Variants in MICALL1 observed in about 807,000 individuals in gnomAD.
MICALL1 encodes MICAL-like protein 1.
In MICALL1, 61 loss-of-function variants were observed where a neutral mutation model predicts 83.7. The observed-to-expected ratio is 0.73, with a 90% confidence interval of 0.59 to 0.90. MICALL1 has a LOEUF of 0.90. Ranked by LOEUF, MICALL1 falls within the 40% of genes least tolerant of loss-of-function variation. The pLI is 0.00. For synonymous variants in MICALL1, 481 were observed against 473.6 expected (o/e 1.02, Z -0.20); for missense variants, 1,066 against 1,152.0 (o/e 0.93, Z 1.08).
chr22:37,910,681 C>A (rs935598166), intron 1 of MICALL1, among the ~76,000 whole-genome samples: 3 of 152,176 alleles, frequency 2.0e-5, no homozygotes, highest in East Asian at 1.9e-4. Context: ...GGTCCTCAAG[C>A]AACTCTTTCC....
At chr22:37,912,529 CA>C in intron 3 of MICALL1, 37 bp downstream of exon 3, 2 of 1,556,852 alleles carry the variant, frequency 1.3e-6, no homozygotes, top group South Asian at 1.2e-5. Flanking sequence ...GAGGCTGGCC[CA>C]GGGGGTGGCC....
chr22:37,911,605 C>T (rs535887893), intron 1 of MICALL1, among the ~76,000 whole-genome samples: 1 of 152,200 alleles, frequency 6.6e-6, no homozygotes, highest in African/African-American at 2.4e-5. Context: ...ATGTCTTTGC[C>T]ACGGACTCCA....
At chr22:37,913,646 A>G (rs1928480351) in intron 3 of MICALL1, among the ~76,000 whole-genome samples, 1 of 152,202 alleles carries the variant, frequency 6.6e-6, no homozygotes, top group Admixed American at 6.5e-5. Flanking sequence ...TTCCCATGCA[A>G]GGACCTCCCT....
chr22:37,917,504 G>A (rs1170348277), intron 3 of MICALL1, among the ~76,000 whole-genome samples: 18 of 152,218 alleles, frequency 1.2e-4, no homozygotes, highest in Admixed American at 1.2e-3. Context: ...GTTCAGTGAG[G>A]TTCATGGCTT....
intron 1 of MICALL1, among the ~76,000 whole-genome samples, chr22:37,911,275 A>C (rs532877207): frequency 6.6e-6 from 1 of 152,312 alleles, no homozygotes; most frequent in East Asian, 1.9e-4. Flanking sequence ...GAGTATGTAC[A>C]TTTCCACTCT....
intron 13 of MICALL1, among the ~76,000 whole-genome samples, chr22:37,933,685 A>G (rs1929927600): frequency 6.6e-6 from 1 of 152,174 alleles, no homozygotes; most frequent in Non-Finnish European, 1.5e-5. Flanking sequence ...CGTGGAATGC[A>G]GTGAACCGCA....
In MICALL1 at chr22:37,930,048, A is replaced by C. The variant is rs76726110; in HGVS notation, c.1882-1751A>C. Among the ~76,000 whole-genome samples the C allele has an allele frequency of 3.6e-3, 548 of 152,304 alleles. 3 individuals are homozygous for C. The highest frequency in any genetic ancestry group is 0.013 in the African/African-American group (520 of 41,560). On this transcript the variant is annotated intron_variant, in intron 9 of 15. Transcript: ENST00000215957. The surrounding 1 kb of genome is among the most constrained non-coding windows in gnomAD (Gnocchi z 4.8). ...GGCACCAAGTGTCCTGAGTGCTCGA[A>C]AGACCCCCTGGTTCCTTGGTGGTGG...
chr22:37,936,953 C>A, intron 13 of MICALL1, 127 bp from the exon 14 acceptor site: 1 of 695,056 alleles, frequency 1.4e-6, no homozygotes, highest in Non-Finnish European at 2.4e-6. Context: ...TTCCTTTCTG[C>A]GCTTAGTTTC....
intron 4 of MICALL1, among the ~76,000 whole-genome samples, chr22:37,918,707 G>A (rs1374788293): frequency 6.6e-6 from 1 of 152,248 alleles, no homozygotes; most frequent in Non-Finnish European, 1.5e-5. Context: ...GAGCCGCCAA[G>A]GGGAAGGGGC....
chr22:37,933,191 A>G (rs967490283), intron 13 of MICALL1, 79 bp downstream of exon 13: 15 of 1,437,682 alleles, frequency 1.0e-5, no homozygotes, highest in Non-Finnish European at 1.3e-5. Flanking sequence ...CGGGCAGACA[A>G]AACCCCAGTA....
rs1300983552 is a variant in MICALL1, at chr22:37,906,649, C to T, written c.146+81C>T. 227 of 1,113,876 alleles carry T rather than the reference C, an allele frequency of 2.0e-4. No individual in the cohort carries two copies. Among genetic ancestry groups the T allele is most frequent in the Non-Finnish European group, 2.3e-4 (211 of 908,592 alleles). 69.0% of individuals were successfully genotyped at this position (1,113,876 alleles called of 1,614,324 possible). ...GCCGCCCCCCCTCAGTAACACGAAG[C>T]CCGGGCGGTGACAGGCGCCGCCCCC... is the stretch of plus-strand genomic sequence containing the variant. On this transcript the variant is annotated intron_variant, in intron 1 of 15. Coordinates refer to ENST00000215957, the MANE Select transcript of MICALL1 (RefSeq NM_033386.4). This position sits in a 1 kb window ranked among gnomAD's most constrained non-coding sequence, Gnocchi z 4.4.
intron 13 of MICALL1, 113 bp from the exon 14 acceptor site, chr22:37,936,967 C>T (rs1409983464): frequency 2.4e-5 from 18 of 765,610 alleles, no homozygotes; most frequent in Non-Finnish European, 2.7e-5. Flanking sequence ...TAGTTTCTTG[C>T]ATGGTATTTA....
chr22:37,939,177 G>A (rs1930296051), intron 15 of MICALL1, among the ~76,000 whole-genome samples: 1 of 152,076 alleles, frequency 6.6e-6, no homozygotes, highest in Non-Finnish European at 1.5e-5. Flanking sequence ...TTATGAGCTG[G>A]GTGACTTTGA....
intron 8 of MICALL1, 142 bp from the exon 9 acceptor site, chr22:37,927,269 C>T (rs1250560193): frequency 2.0e-6 from 2 of 1,018,788 alleles, no homozygotes; most frequent in Non-Finnish European, 2.7e-6. Flanking sequence ...TTTGCTGTTC[C>T]CTGGGCCTTG....
chr22:37,917,928 C>A, intron 4 of MICALL1, 133 bp downstream of exon 4: 1 of 779,406 alleles, frequency 1.3e-6, no homozygotes, highest in South Asian at 1.5e-5. Context: ...TGTTCTCTGT[C>A]CCTGCCCTAT....
intron 13 of MICALL1, among the ~76,000 whole-genome samples, chr22:37,935,332 C>CT (rs1277241609): frequency 6.6e-6 from 1 of 151,818 alleles, no homozygotes; most frequent in East Asian, 1.9e-4. Flanking sequence ...ACGATCTTGG[C>CT]TTACTGCACG....
intron 4 of MICALL1, 79 bp downstream of exon 4, chr22:37,917,874 G>A: frequency 1.6e-6 from 2 of 1,274,490 alleles, no homozygotes; most frequent in Non-Finnish European, 1.1e-6. Context: ...TGCAGTGACT[G>A]GGTCATGTGA....
At chr22:37,920,401 A>G (rs527725112) in intron 5 of MICALL1, among the ~76,000 whole-genome samples, 2 of 152,094 alleles carry the variant, frequency 1.3e-5, no homozygotes, top group African/African-American at 4.8e-5. Context: ...TTGGGGTGTC[A>G]TGGGGAAAAA....
intron 6 of MICALL1, among the ~76,000 whole-genome samples, 173 bp downstream of exon 6, chr22:37,922,599 ATATTTTTTTTTT>A (rs1230378571): frequency 5.7e-5 from 4 of 69,680 alleles, no homozygotes; most frequent in African/African-American, 2.4e-4. Flanking sequence ...ATATATATAT[ATATTTTTTTTTT>A]TTTTTTTTTT....
Sources: allele counts gnomAD v4.1 joint callset (sites outside exome capture counted in the v4.1 genomes callset), GRCh38; gene constraint gnomAD v4.1.1; non-coding constraint Gnocchi (gnomAD v3.1); transcripts MANE v1.5; gene names NCBI Gene and HGNC (gene_info 2026-07-23, HGNC 2026-07-21).